Variants in NAPRT observed in about 807,000 individuals in gnomAD.
NAPRT encodes FHA-HIT-interacting protein.
NAPRT carries 66 observed loss-of-function variants against 60.7 expected under a neutral mutation model. The ratio of observed to expected loss-of-function variants is 1.09; its 90% CI spans 0.89 to 1.33. The LOEUF is 1.33. Among genes scored for constraint, NAPRT ranks in the 40% most tolerant of loss-of-function variants. NAPRT has a pLI of 0.00. For missense variants in NAPRT, 818 were observed against 731.5 expected (o/e 1.12, Z -1.36); for synonymous variants, 405 against 335.7 (o/e 1.21, Z -2.26).
chr8:143,578,240 A>G lies in NAPRT; in HGVS notation c.79T>C (p.Leu27=), dbSNP rs776974188. 6.7e-7 allele frequency: 1 copy of G among 1,498,608 alleles called. No homozygotes were observed. Among genetic ancestry groups the G allele is most frequent in the South Asian group, 1.3e-5 (1 of 79,532 alleles). 92.8% of individuals were successfully genotyped at this position (1,498,608 alleles called of 1,614,324 possible). ...GCCCGGCCCGCGCGCCAATAGCCCA[A>G]CGCCATGGTGGCCTGGTAGAGGTCA... The part of the protein sequence containing the change: ...LTDLYQATMA[L]GYWRAGRARD... The change falls in exon 1 of 13, where the codon TTG becomes CTG. Residue 27 remains leucine, a synonymous_variant. Coordinates refer to ENST00000449291, the MANE Select transcript of NAPRT (RefSeq NM_145201.6).
chr8:143,573,027 T>C, downstream of NAPRT: 1 of 403,426 alleles, frequency 2.5e-6, no homozygotes. Flanking sequence ...GCCCCCACCC[T>C]GACTACCAGC....
Position 143,575,426 on chromosome 8 carries a change from CAG to C in NAPRT, c.1286_1287del (p.Ser429Ter). 1 of 1,592,018 alleles carries C rather than the reference CAG, an allele frequency of 6.3e-7. No homozygotes were observed. ...GSKAAFRLLGSDGSPLMDMLQ... is the reference protein window; with the variant it reads ...GSKAAFRLLGXDGSPLMDMLQ... Reference sequence around the variant, plus strand: ...AGGGGGGATGGGAGGGCCTCACCGTCAGAGCCCAGGAGCCGGAAAGCAGCCTT... The same window carrying C: ...AGGGGGGATGGGAGGGCCTCACCGTCAGCCCAGGAGCCGGAAAGCAGCCTT... On this transcript the variant is annotated frameshift_variant, in exon 10 of 13. Coordinates refer to ENST00000449291, the MANE Select transcript of NAPRT (RefSeq NM_145201.6). LOFTEE classifies it high-confidence loss of function.
intron 8 of NAPRT, 137 bp from the exon 9 acceptor site, chr8:143,575,839 G>GGCCGTGAGC: frequency 2.2e-6 from 1 of 447,178 alleles, no homozygotes; most frequent in Admixed American, 4.5e-5. Flanking sequence ...GGAAGGAGGT[G>GGCCGTGAGC]CCAGTGCCCT....
rs777881712 is a variant in NAPRT at position 143,577,096 on chromosome 8, G to A, written c.650C>T (p.Thr217Ile). ...VAGTLAHSFV[T>I]SFSGSEVPPD... ...GGGCACCTCGCTGCCTGAAAAGGAA[G>A]TGACGAAGGAGTGGGCCAGGGTCCC... is the stretch of plus-strand genomic sequence containing the variant. Residue 217 changes from threonine (T) to isoleucine (I), a missense_variant, in exon 5 of 13, where the codon ACT becomes ATT. Transcript: ENST00000449291. 4 of 1,612,916 alleles carry A rather than the reference G, an allele frequency of 2.5e-6. No homozygotes were observed. In the African/African-American group the frequency reaches 5.3e-5, roughly 22 times the overall value.
Position 143,578,074 on chromosome 8 carries a change from C to G in NAPRT, c.226+19G>C. 1 of 1,499,880 alleles carries G rather than the reference C, an allele frequency of 6.7e-7. No homozygotes were observed. The highest frequency in any genetic ancestry group is 8.8e-7 in the Non-Finnish European group (1 of 1,131,582). The allele number at this position is 1,499,880 out of a possible 1,614,324, so 92.9% of individuals were successfully genotyped here. On this transcript the variant is annotated intron_variant, in intron 1 of 12. Transcript: ENST00000449291. ...TTTCTGCCGGGCGTGGGGGGCTCGTCGCGCGGACGGGGGACTACCGGCGTC... is the reference window on the plus strand; with the variant it reads ...TTTCTGCCGGGCGTGGGGGGCTCGTGGCGCGGACGGGGGACTACCGGCGTC...
At chr8:143,577,768 C>T in intron 2 of NAPRT, 29 bp from the exon 3 acceptor site, 2 of 1,566,736 alleles carry the variant, frequency 1.3e-6, no homozygotes, top group Non-Finnish European at 1.7e-6. Context: ...GCTCCGCGCT[C>T]GGCCCAGCAC....
At chr8:143,573,176 C>G (rs571512157), downstream of NAPRT, among the ~76,000 whole-genome samples, 1 of 152,148 alleles carries the variant, frequency 6.6e-6, no homozygotes, top group Admixed American at 6.5e-5. Flanking sequence ...GGGCCTGGGG[C>G]TAGGGGCTGG....
In NAPRT at chr8:143,578,223, C is replaced by T; in HGVS notation, c.96G>A (p.Ala32=). 6.7e-7 allele frequency: 1 copy of T among 1,502,250 alleles called. No homozygotes were observed. Among genetic ancestry groups the T allele is most frequent in the East Asian group, 2.7e-5 (1 of 36,838 alleles). The allele number at this position is 1,502,250 out of a possible 1,614,324, so 93.1% of individuals were successfully genotyped here. The change falls in exon 1 of 13, where the codon GCG becomes GCA. Residue 32 remains alanine (A), a synonymous_variant. Coordinates refer to ENST00000449291, the MANE Select transcript of NAPRT (RefSeq NM_145201.6). The part of the protein sequence containing the change: ...QATMALGYWR[A]GRARDAAEFE... ...ACTCGGCGGCGTCCCGCGCCCGGCC[C>T]GCGCGCCAATAGCCCAACGCCATGG...
Position 143,577,285 on chromosome 8 carries a change from G to C in NAPRT, c.552C>G (p.Thr184=). The change falls in exon 4 of 13, where the codon ACC becomes ACG. Residue 184 remains threonine, a synonymous_variant. Coordinates refer to ENST00000449291, the MANE Select transcript of NAPRT (RefSeq NM_145201.6). Reference sequence around the variant, plus strand: ...GACACTCACCGCCCAGGTAGCTGTAGGTGGAGGCTGTCAGGCCCCCATCGG... The same window carrying C: ...GACACTCACCGCCCAGGTAGCTGTACGTGGAGGCTGTCAGGCCCCCATCGG... ...QGPDGGLTAS[T]YSYLGGFDSS... 3 of 1,609,434 alleles carry C rather than the reference G, an allele frequency of 1.9e-6. No individual in the cohort carries two copies. The highest frequency in any genetic ancestry group is 1.3e-5 in the African/African-American group (1 of 75,014).
At position 143,578,268 on chromosome 8, in the gene NAPRT, GAGCAGCGGC is replaced by G; in HGVS notation, c.42_50del (p.Pro15_Leu17del). 1 of 1,428,386 alleles carries G rather than the reference GAGCAGCGGC, an allele frequency of 7.0e-7. No homozygotes were observed. The highest frequency in any genetic ancestry group is 1.5e-5 in the South Asian group (1 of 68,768). 88.5% of individuals were successfully genotyped at this position (1,428,386 alleles called of 1,614,324 possible). ...CCATGGTGGCCTGGTAGAGGTCAGT[GAGCAGCGGC>G]CGCGCCGCCGCGCGCGCCTCGGGGT... On this transcript the variant is annotated inframe_deletion, in exon 1 of 13. Coordinates refer to ENST00000449291, the MANE Select transcript of NAPRT (RefSeq NM_145201.6).
chr8:143,577,414 G>A lies in NAPRT; in HGVS notation c.438-15C>T, dbSNP rs1824552614. 6.2e-7 allele frequency: 1 copy of A among 1,600,588 alleles called. No individual in the cohort carries two copies. Among genetic ancestry groups the A allele is most frequent in the Admixed American group, 1.7e-5 (1 of 58,862 alleles). ...TGGCCACCAGGCTGTGGGGAGCCAA[G>A]AGTCAGGGGGTCCCAGGGTGAGGAT... On this transcript the variant is annotated splice_polypyrimidine_tract_variant and intron_variant, in intron 3 of 12. Transcript: ENST00000449291.
At position 143,578,215 on chromosome 8, in the gene NAPRT, G is replaced by T. The variant is rs560972058; in HGVS notation, c.104C>A (p.Ala35Glu). 4.7e-6 allele frequency: 7 copies of T among 1,504,616 alleles called. No homozygotes were observed. The African/African-American group carries it at 5.8e-5, about 13-fold the overall frequency. The allele number at this position is 1,504,616 out of a possible 1,614,324, so 93.2% of individuals were successfully genotyped here. A position where few individuals can be genotyped will look rare whatever the true frequency, so the allele number is the denominator to read the frequency against. Residue 35 changes from alanine (A) to glutamate (E), a missense_variant, in exon 1 of 13, where the codon GCG (alanine) becomes GAG (glutamate). Coordinates refer to ENST00000449291, the MANE Select transcript of NAPRT (RefSeq NM_145201.6). Reference protein sequence around the residue: ...MALGYWRAGRARDAAEFELFF... With the variant: ...MALGYWRAGRERDAAEFELFF... ...GAGCTCGAACTCGGCGGCGTCCCGC[G>T]CCCGGCCCGCGCGCCAATAGCCCAA... is the stretch of plus-strand genomic sequence containing the variant.
In NAPRT at chr8:143,576,759, G is replaced by A. The variant is rs141190827; in HGVS notation, c.768C>T (p.His256=). The change falls in exon 6 of 13, where the codon CAC becomes CAT. Residue 256 remains histidine, a synonymous_variant. Transcript: ENST00000449291. ...AQVWLEQVCA[H]LGLGVQEPHP... Reference sequence around the variant, plus strand: ...GCGGCTCCTGCACCCCCAGCCCCAGGTGGGCACACACCTGCTCCAGCCACA... The same window carrying A: ...GCGGCTCCTGCACCCCCAGCCCCAGATGGGCACACACCTGCTCCAGCCACA... 632 of 1,608,038 alleles carry A rather than the reference G, an allele frequency of 3.9e-4. No homozygotes were observed. In the African/African-American group the frequency reaches 7.9e-3, roughly 20 times the overall value.
downstream of NAPRT, among the ~76,000 whole-genome samples, chr8:143,574,381 G>A (rs1824271617): frequency 1.3e-5 from 2 of 152,194 alleles, no homozygotes; most frequent in Non-Finnish European, 2.9e-5. Context: ...CCCTGAGCCT[G>A]GGGGGCAGTG....
At position 143,575,405 on chromosome 8, in the gene NAPRT, G is replaced by T; in HGVS notation, c.1291+18C>A. 1 of 1,593,896 alleles carries T rather than the reference G, an allele frequency of 6.3e-7. No individual in the cohort carries two copies. Among genetic ancestry groups the T allele is most frequent in the Middle Eastern group, 1.7e-4 (1 of 6,004 alleles). ...GGTGCTTTGAAGGTGGACAGCAGGG[G>T]GGATGGGAGGGCCTCACCGTCAGAG... is the stretch of plus-strand genomic sequence containing the variant. On this transcript the variant is annotated intron_variant, in intron 10 of 12. Transcript: ENST00000449291.
chr8:143,576,210 T>A, intron 7 of NAPRT, 48 bp from the exon 8 acceptor site: 1 of 1,509,740 alleles, frequency 6.6e-7, no homozygotes, highest in Non-Finnish European at 8.9e-7. Flanking sequence ...CGGGTCTTCC[T>A]GATTCACCCT....
At position 143,577,099 on chromosome 8, in the gene NAPRT, A is replaced by G; in HGVS notation, c.647T>C (p.Val216Ala). The G allele has an allele frequency of 6.2e-7, 1 of 1,612,984 alleles. No individual in the cohort carries two copies. Among genetic ancestry groups the G allele is most frequent in the South Asian group, 1.1e-5 (1 of 91,086 alleles). Residue 216 changes from valine to alanine, a missense_variant, in exon 5 of 13, where the codon GTC becomes GCC. Val to Ala is a moderately conservative substitution (Grantham distance 64). Coordinates refer to ENST00000449291, the MANE Select transcript of NAPRT (RefSeq NM_145201.6). The part of the protein sequence containing the change: ...PVAGTLAHSF[V>A]TSFSGSEVPP... Reference sequence around the variant, plus strand: ...CACCTCGCTGCCTGAAAAGGAAGTGACGAAGGAGTGGGCCAGGGTCCCGGC... The same window carrying G: ...CACCTCGCTGCCTGAAAAGGAAGTGGCGAAGGAGTGGGCCAGGGTCCCGGC...
In NAPRT at chr8:143,576,722, G is replaced by A. The variant is rs753714962; in HGVS notation, c.805C>T (p.Arg269Trp). 2.2e-5 allele frequency: 35 copies of A among 1,609,046 alleles called. No individual in the cohort carries two copies. In the Admixed American group the frequency reaches 3.0e-4, roughly 14 times the overall value. Reference protein sequence around the residue: ...LGVQEPHPGERAAFVAYALAF... With the variant: ...LGVQEPHPGEWAAFVAYALAF... ...AAGGCATAGGCCACAAAGGCTGCCC[G>A]CTCGCCTGGATGCGGCTCCTGCACC... Residue 269 changes from arginine (R) to tryptophan (W), a missense_variant, in exon 6 of 13, where the codon CGG becomes TGG. Coordinates refer to ENST00000449291, the MANE Select transcript of NAPRT (RefSeq NM_145201.6).
intron 3 of NAPRT, 47 bp downstream of exon 3, chr8:143,577,610 G>C: frequency 6.5e-7 from 1 of 1,529,860 alleles, no homozygotes; most frequent in East Asian, 2.4e-5. Flanking sequence ...CCCGGCGCTG[G>C]GGGCCCATCC....
Sources: gnomAD v4.1 joint callset for allele counts (sites outside exome capture counted in the v4.1 genomes callset) on GRCh38, gnomAD v4.1.1 for gene constraint, MANE v1.5 for transcripts, NCBI Gene and HGNC (gene_info 2026-07-23, HGNC 2026-07-21) for gene names.